Variants in GLRB observed in about 807,000 individuals in gnomAD.
The protein encoded by GLRB is glycine receptor subunit beta.
A neutral mutation model predicts 54.2 loss-of-function variants in GLRB; 33 were observed. The observed-to-expected ratio is 0.61, with a 90% confidence interval of 0.46 to 0.81. GLRB has a LOEUF of 0.81. Among genes scored for constraint, GLRB ranks in the 40% least tolerant of loss-of-function variants. The pLI is 0.00. For missense variants in GLRB, 572 were observed against 584.6 expected (o/e 0.98, Z 0.22); for synonymous variants, 209 against 208.2 (o/e 1.00, Z -0.03).
chr4:157,087,005 G>A (rs1326561640), intron 2 of GLRB, among the ~76,000 whole-genome samples: 5 of 152,014 alleles, frequency 3.3e-5, no homozygotes, highest in African/African-American at 1.2e-4. Flanking sequence ...ACTCTATTGT[G>A]TAGTTTTAAC....
chr4:157,141,309 A>G (rs1415594939), intron 7 of GLRB, among the ~76,000 whole-genome samples: 1 of 151,924 alleles, frequency 6.6e-6, no homozygotes, highest in Non-Finnish European at 1.5e-5. Flanking sequence ...TCATATGAAT[A>G]TAAGTAAAAT....
intron 2 of GLRB, among the ~76,000 whole-genome samples, chr4:157,092,256 C>A (rs2126454780): frequency 6.6e-6 from 1 of 152,232 alleles, no homozygotes; most frequent in South Asian, 2.1e-4. Flanking sequence ...TAGAATAGAT[C>A]ACTTAATACA....
chr4:157,170,695 C>T lies in GLRB; in HGVS notation c.1461C>T (p.Phe487=). Residue 487 remains phenylalanine (F), a synonymous_variant, in exon 10 of 10, where the codon TTC becomes TTT. Coordinates refer to ENST00000264428, the MANE Select transcript of GLRB (RefSeq NM_000824.5). The part of the protein sequence containing the change: ...ARALFPFCFL[F]FNVIYWSIYL ...CATTGTTTCCTTTCTGCTTCTTGTT[C>T]TTCAATGTTATATATTGGTCTATAT... is the stretch of plus-strand genomic sequence containing the variant. The T allele has an allele frequency of 1.3e-6, 2 of 1,590,750 alleles. No individual in the cohort carries two copies. Among genetic ancestry groups the T allele is most frequent in the Non-Finnish European group, 1.7e-6 (2 of 1,164,228 alleles).
At chr4:157,162,030 G>A (rs1055470309) in intron 9 of GLRB, among the ~76,000 whole-genome samples, 2 of 152,028 alleles carry the variant, frequency 1.3e-5, no homozygotes, top group Admixed American at 1.3e-4. Context: ...TTGTTCATTT[G>A]TTTTTACTCT....
At chr4:157,151,658 A>G (rs1029792342) in intron 8 of GLRB, among the ~76,000 whole-genome samples, 1 of 152,106 alleles carries the variant, frequency 6.6e-6, no homozygotes, top group African/African-American at 2.4e-5. Context: ...TGCAATTGAT[A>G]TATTTTTCAA....
At chr4:157,088,923 C>T (rs921701589) in intron 2 of GLRB, among the ~76,000 whole-genome samples, 1 of 152,078 alleles carries the variant, frequency 6.6e-6, no homozygotes, top group Non-Finnish European at 1.5e-5. Context: ...GTTTCTTCAA[C>T]TAGTAGGATA....
chr4:157,086,078 C>T (rs916425365), intron 2 of GLRB, among the ~76,000 whole-genome samples: 4 of 152,052 alleles, frequency 2.6e-5, no homozygotes, highest in African/African-American at 4.8e-5. Flanking sequence ...GTGGTCCTCC[C>T]GCCTTGTTCT....
At chr4:157,169,331 CT>C (rs1342928744) in intron 9 of GLRB, among the ~76,000 whole-genome samples, 1 of 152,030 alleles carries the variant, frequency 6.6e-6, no homozygotes, top group African/African-American at 2.4e-5. Flanking sequence ...AAGAGCTAAC[CT>C]TTTTGTGGAC....
chr4:157,099,577 C>A (rs1010481007), intron 2 of GLRB, among the ~76,000 whole-genome samples: 1 of 152,116 alleles, frequency 6.6e-6, no homozygotes, highest in East Asian at 1.9e-4. Context: ...CTCAAGTGAT[C>A]TGCCCGCCTT....
intron 4 of GLRB, among the ~76,000 whole-genome samples, chr4:157,129,449 T>C (rs1474626122): frequency 6.6e-6 from 1 of 151,820 alleles, no homozygotes; most frequent in South Asian, 2.1e-4. Context: ...ATGTAACTAA[T>C]GAGCTTTTAT....
chr4:157,082,510 A>T (rs1734259970), intron 2 of GLRB, among the ~76,000 whole-genome samples: 1 of 152,194 alleles, frequency 6.6e-6, no homozygotes, highest in Non-Finnish European at 1.5e-5. Flanking sequence ...ACTATCTCTT[A>T]TTAAGTCATT....
At position 157,170,613 on chromosome 4, in the gene GLRB, C is replaced by A. The variant is rs1039853450; in HGVS notation, c.1379C>A (p.Pro460His). The A allele has an allele frequency of 2.5e-6, 4 of 1,612,704 alleles. No individual in the cohort carries two copies. The African/African-American group carries it at 5.3e-5, about 22-fold the overall frequency. ...KSQAKNNKKP[P>H]PAKPVIPTAA... ...CAGGCTAAGAACAACAAGAAGCCTC[C>A]CCCTGCGAAACCTGTTATTCCAACA... Residue 460 changes from proline (P) to histidine (H), a missense_variant, in exon 10 of 10, where the codon CCC becomes CAC. Pro to His is a moderately conservative substitution (Grantham distance 77). Transcript: ENST00000264428.
At chr4:157,144,570 G>T (rs544448864) in intron 8 of GLRB, among the ~76,000 whole-genome samples, 1 of 152,254 alleles carries the variant, frequency 6.6e-6, no homozygotes, top group African/African-American at 2.4e-5. Flanking sequence ...ATAAGCAAGC[G>T]CCCTTCCTAT....
chr4:157,171,677 T>C lies in GLRB; in HGVS notation c.*949T>C, dbSNP rs547448823. 9.4e-4 allele frequency: 143 copies of C among 152,456 alleles called. No individual in the cohort carries two copies. The highest frequency in any genetic ancestry group is 3.2e-3 in the African/African-American group (131 of 41,578). The allele number at this position is 152,456 out of a possible 1,614,324, so 9.4% of individuals were successfully genotyped here. On this transcript the variant is annotated 3_prime_UTR_variant, in exon 10 of 10. Coordinates refer to ENST00000264428, the MANE Select transcript of GLRB (RefSeq NM_000824.5). Reference sequence around the variant, plus strand: ...TAACTTTTTTATTTTATTAAAATGCTTGCATATTTTAAGTAAAATTAAAAA... The same window carrying C: ...TAACTTTTTTATTTTATTAAAATGCCTGCATATTTTAAGTAAAATTAAAAA...
chr4:157,084,238 C>A (rs991210460), intron 2 of GLRB, among the ~76,000 whole-genome samples: 3 of 152,126 alleles, frequency 2.0e-5, no homozygotes, highest in African/African-American at 7.2e-5. Flanking sequence ...CATATTTTTG[C>A]CACTACCGTT....
intron 9 of GLRB, among the ~76,000 whole-genome samples, chr4:157,162,241 T>C (rs756491032): frequency 1.3e-5 from 2 of 152,186 alleles, no homozygotes; most frequent in Non-Finnish European, 2.9e-5. Context: ...TCTCGTCTTT[T>C]TTCAAGGTTT....
At chr4:157,112,890 G>T (rs578148056) in intron 2 of GLRB, among the ~76,000 whole-genome samples, 48 of 152,008 alleles carry the variant, frequency 3.2e-4, no homozygotes, top group African/African-American at 1.1e-3. Context: ...TTGATGGTGG[G>T]GCACTGCAGC....
chr4:157,077,916 T>C (rs1734094566), intron 1 of GLRB, 80 bp from the exon 2 acceptor site: 3 of 903,872 alleles, frequency 3.3e-6, no homozygotes, highest in Admixed American at 4.4e-5. Context: ...TGGGTAGTAA[T>C]GCTTATACTC....
At chr4:157,131,899 A>G (rs1736228083) in intron 4 of GLRB, among the ~76,000 whole-genome samples, 1 of 151,796 alleles carries the variant, frequency 6.6e-6, no homozygotes, top group Admixed American at 6.6e-5. Context: ...TTATGCTGAC[A>G]TGTTTTCAGC....
Sources: gnomAD v4.1 joint callset for allele counts (sites outside exome capture counted in the v4.1 genomes callset) on GRCh38, gnomAD v4.1.1 for gene constraint, MANE v1.5 for transcripts, NCBI Gene and HGNC (gene_info 2026-07-23, HGNC 2026-07-21) for gene names.